CDC42BPB: variants seen among roughly 807,000 people sequenced by gnomAD.
CDC42BPB encodes CDC42 binding protein kinase beta, also known as serine/threonine-protein kinase MRCK beta.
In CDC42BPB, 37 loss-of-function variants were observed where a neutral mutation model predicts 214.9. The ratio of observed to expected loss-of-function variants is 0.17; its 90% CI spans 0.13 to 0.23. The LOEUF (loss-of-function observed/expected upper bound fraction) is 0.23, where lower values mean the gene tolerates loss of function less well. Among genes scored for constraint, CDC42BPB ranks in the 10% least tolerant of loss-of-function variants. CDC42BPB has a pLI of 1.00. For missense variants in CDC42BPB, 1,694 were observed against 2,227.0 expected (o/e 0.76, Z 4.82); for synonymous variants, 931 against 884.0 (o/e 1.05, Z -0.94).
intron 1 of CDC42BPB, among the ~76,000 whole-genome samples, chr14:103,026,535 C>A (rs1057203704): frequency 9.9e-5 from 15 of 151,990 alleles, no homozygotes; most frequent in African/African-American, 3.6e-4. Flanking sequence ...ACTACAAACA[C>A]CAAACCTGAA....
chr14:102,970,682 G>A (rs776228487), intron 13 of CDC42BPB, among the ~76,000 whole-genome samples: 58 of 152,154 alleles, frequency 3.8e-4, no homozygotes, highest in Non-Finnish European at 7.2e-4. Context: ...AGCCAAGCCC[G>A]CTTCATCTCT....
chr14:102,966,824 C>T (rs1474503087), intron 17 of CDC42BPB, among the ~76,000 whole-genome samples: 1 of 152,140 alleles, frequency 6.6e-6, no homozygotes, highest in East Asian at 1.9e-4. Flanking sequence ...AACGGTTTGC[C>T]CCAAGTCCTT....
chr14:102,957,024 CAAAAAAAAAAAAAAAAA>C (rs1183767118), intron 21 of CDC42BPB, among the ~76,000 whole-genome samples: 2 of 48,190 alleles, frequency 4.2e-5, no homozygotes, highest in Admixed American at 2.8e-4. Context: ...ACTAAAAATA[CAAAAAAAAAAAAAAAAA>C]AAAAAAAAAA....
chr14:102,969,595 C>T (rs1363657727), intron 14 of CDC42BPB, among the ~76,000 whole-genome samples: 3 of 152,330 alleles, frequency 2.0e-5, no homozygotes, highest in African/African-American at 4.8e-5. Context: ...CCATCGCACG[C>T]GGCTCACACA....
chr14:102,966,144 C>T, intron 18 of CDC42BPB, 138 bp downstream of exon 18: 2 of 596,192 alleles, frequency 3.4e-6, no homozygotes, highest in Non-Finnish European at 5.9e-6. Flanking sequence ...GTTGGCGTTC[C>T]TTAAATTGGG....
intron 5 of CDC42BPB, among the ~76,000 whole-genome samples, chr14:102,995,628 G>A (rs1595121640): frequency 6.6e-6 from 1 of 152,222 alleles, no homozygotes; most frequent in Non-Finnish European, 1.5e-5. Flanking sequence ...GGCTTTTGGG[G>A]TCCAGCTGCG....
chr14:103,050,807 T>C (rs1406778791), intron 1 of CDC42BPB, among the ~76,000 whole-genome samples: 1 of 152,070 alleles, frequency 6.6e-6, no homozygotes, highest in Admixed American at 6.6e-5. Context: ...GACTCTGCAA[T>C]TTTGGAGGTC....
intron 30 of CDC42BPB, among the ~76,000 whole-genome samples, chr14:102,942,623 C>A (rs1437155938): frequency 1.3e-5 from 2 of 152,238 alleles, no homozygotes; most frequent in Non-Finnish European, 2.9e-5. Flanking sequence ...TGGCTCACTG[C>A]AGCCTCCATC....
chr14:103,043,537 A>G (rs995650655), intron 1 of CDC42BPB, among the ~76,000 whole-genome samples: 1 of 152,172 alleles, frequency 6.6e-6, no homozygotes, highest in Admixed American at 6.5e-5. Context: ...TGGGGATAAT[A>G]GCTAAAGGTT....
chr14:103,018,423 A>G (rs893273515), intron 1 of CDC42BPB, among the ~76,000 whole-genome samples: 25 of 152,356 alleles, frequency 1.6e-4, no homozygotes, highest in African/African-American at 5.3e-4. Flanking sequence ...TAGAGGGGCA[A>G]GGAGGGAGGG....
rs747481101 is a variant in CDC42BPB at position 102,947,570 on chromosome 14, C to T, written c.3531+151G>A. On this transcript the variant is annotated intron_variant, in intron 27 of 36. Coordinates refer to ENST00000361246, the MANE Select transcript of CDC42BPB (RefSeq NM_006035.4). ...GGCACAGGCTGCTACTTGGCCAGGACGGGACGCACAAGGACCTGGAGCCAG... is the reference window on the plus strand; with the variant it reads ...GGCACAGGCTGCTACTTGGCCAGGATGGGACGCACAAGGACCTGGAGCCAG... 1.7e-4 allele frequency: 119 copies of T among 705,980 alleles called. 1 individual carries two copies. The highest frequency in any genetic ancestry group is 3.5e-4 in the South Asian group (21 of 60,508). 43.7% of individuals were successfully genotyped at this position (705,980 alleles called of 1,614,324 possible).
chr14:103,047,012 C>A (rs1221331370), intron 1 of CDC42BPB, among the ~76,000 whole-genome samples: 1 of 151,300 alleles, frequency 6.6e-6, no homozygotes, highest in Non-Finnish European at 1.5e-5. Context: ...TGGCTGGGCG[C>A]GGCAGCTCAT....
chr14:102,978,766 G>A (rs1893870283), intron 8 of CDC42BPB, among the ~76,000 whole-genome samples: 1 of 152,212 alleles, frequency 6.6e-6, no homozygotes. Context: ...AGCAATTTGG[G>A]AGGCTGAGGT....
chr14:102,945,156 G>C (rs571009839), intron 29 of CDC42BPB: 3 of 442,432 alleles, frequency 6.8e-6, no homozygotes, highest in African/African-American at 2.0e-5. Context: ...GGTCTGTCGG[G>C]AAAGGACTAT....
intron 5 of CDC42BPB, among the ~76,000 whole-genome samples, chr14:102,995,970 G>T (rs1360932559): frequency 1.3e-5 from 2 of 152,148 alleles, no homozygotes; most frequent in Non-Finnish European, 2.9e-5. Flanking sequence ...TAATTTGGGG[G>T]GAAAAATAAA....
intron 9 of CDC42BPB, 78 bp from the exon 10 acceptor site, chr14:102,976,127 TGAAA>T: frequency 2.6e-6 from 4 of 1,560,726 alleles, no homozygotes; most frequent in East Asian, 4.5e-5. Context: ...CTTCCTGAGG[TGAAA>T]GATAGTCTTT....
intron 1 of CDC42BPB, among the ~76,000 whole-genome samples, chr14:103,012,740 G>A (rs527268796): frequency 5.3e-5 from 8 of 152,292 alleles, no homozygotes; most frequent in South Asian, 2.1e-4. Flanking sequence ...AGGCGCCGGA[G>A]GTTACAATGA....
rs1043433221 is a variant in CDC42BPB, at chr14:102,944,687, C to A, written c.3812-200G>T. ...CTTGAACGCCCCCCGGAGAAGCTGC[C>A]CCACATCCACAGCGCGCTCCTGGGG... On this transcript the variant is annotated intron_variant, in intron 29 of 36. Transcript: ENST00000361246. This position sits in a 1 kb window ranked among gnomAD's most constrained non-coding sequence, Gnocchi z 6.6. 1.0e-6 allele frequency: 1 copy of A among 985,180 alleles called. No homozygotes were observed. Among genetic ancestry groups the A allele is most frequent in the East Asian group, 1.1e-4 (1 of 8,788 alleles). 61.0% of individuals were successfully genotyped at this position (985,180 alleles called of 1,614,324 possible). A position where few individuals can be genotyped will look rare whatever the true frequency, so the allele number is the denominator to read the frequency against.
chr14:103,027,382 C>A (rs1887111016), intron 1 of CDC42BPB, among the ~76,000 whole-genome samples: 1 of 152,102 alleles, frequency 6.6e-6, no homozygotes, highest in South Asian at 2.1e-4. Context: ...TTACTAAGAA[C>A]CAGGTTTTAA....
Sources: gnomAD v4.1 joint callset for allele counts (sites outside exome capture counted in the v4.1 genomes callset) on GRCh38, gnomAD v4.1.1 for gene constraint, Gnocchi (gnomAD v3.1) non-coding constraint, MANE v1.5 for transcripts, NCBI Gene and HGNC (gene_info 2026-07-23, HGNC 2026-07-21) for gene names.